Variants in MYO16 observed in about 807,000 individuals in gnomAD.
The protein encoded by MYO16 is unconventional myosin-XVI.
MYO16 carries 94 observed loss-of-function variants against 205.3 expected under a neutral mutation model. The ratio of observed to expected loss-of-function variants is 0.46; its 90% CI spans 0.39 to 0.54. The LOEUF (loss-of-function observed/expected upper bound fraction) is 0.54. MYO16 is among the 20% of genes least tolerant of loss of function. The pLI is 0.00. For missense variants in MYO16, 2,315 were observed against 2,387.5 expected, an observed-to-expected ratio of 0.97 and a Z score of 0.63; for synonymous variants, 988 against 954.0, an observed-to-expected ratio of 1.04 and a Z score of -0.66.
the MYO16 span, among the ~76,000 whole-genome samples, chr13:108,502,670 T>C: frequency 6.6e-6 from 1 of 152,202 alleles, no homozygotes. Context: ...ATTTGAAATA[T>C]TAAATAATTT....
intron 17 of MYO16, among the ~76,000 whole-genome samples, chr13:108,958,243 T>G (rs1883457302): frequency 6.8e-6 from 1 of 147,808 alleles, no homozygotes; most frequent in South Asian, 2.1e-4. Context: ...TTTAAATATA[T>G]ATAATATTCA....
At chr13:109,048,982 A>AAAAAG (rs1887146443) in intron 24 of MYO16, 1 of 149,958 alleles carries the variant, frequency 6.7e-6, no homozygotes, top group Non-Finnish European at 1.5e-5. Flanking sequence ...AAAAAAAAAA[A>AAAAAG]GCCGAACTCC....
At chr13:108,905,670 G>A (rs895230308) in intron 15 of MYO16, among the ~76,000 whole-genome samples, 1 of 152,182 alleles carries the variant, frequency 6.6e-6, no homozygotes, top group African/African-American at 2.4e-5. Flanking sequence ...AGGTCACCAG[G>A]AAATACAGTA....
intron 1 of MYO16, among the ~76,000 whole-genome samples, chr13:108,602,683 G>A (rs531193743): frequency 6.6e-5 from 10 of 152,190 alleles, no homozygotes; most frequent in African/African-American, 2.4e-4. Flanking sequence ...GGAAGTGGGT[G>A]GTTTGGTCCT....
chr13:108,929,796 T>TA lies in MYO16; in HGVS notation c.1925+19655dup, dbSNP rs573718136. 4.0e-4 allele frequency among the ~76,000 whole-genome samples: 60 copies of TA among 150,418 alleles called. No individual in the cohort carries two copies. The South Asian group carries it at 0.01, about 25-fold the overall frequency. ...GGCACAGAGAAACCCACACATGCAT[T>TA]AAAAAAAAATGTACTTAGCTATTCA... is the stretch of plus-strand genomic sequence containing the variant. On this transcript the variant is annotated intron_variant, in intron 16 of 34. Coordinates refer to ENST00000457511, the MANE Select transcript of MYO16 (RefSeq NM_001198950.3).
intron 4 of MYO16, among the ~76,000 whole-genome samples, chr13:108,778,550 C>T (rs1024936744): frequency 1.3e-5 from 2 of 152,112 alleles, no homozygotes; most frequent in African/African-American, 2.4e-5. Flanking sequence ...ACCCGGGAGG[C>T]GAAGGTTGCA....
In MYO16 at chr13:109,112,174, T is replaced by G. The variant is rs544754186; in HGVS notation, c.3439-8196T>G. ...AAATAATAGTAAATAGCATCTCTTTTAGAGAAATAAAAAAGGGTTAGCTCA... is the reference window on the plus strand; with the variant it reads ...AAATAATAGTAAATAGCATCTCTTTGAGAGAAATAAAAAAGGGTTAGCTCA... On this transcript the variant is annotated intron_variant, in intron 28 of 34. Coordinates refer to ENST00000457511, the MANE Select transcript of MYO16 (RefSeq NM_001198950.3). 4.1e-3 allele frequency among the ~76,000 whole-genome samples: 627 copies of G among 152,254 alleles called. 3 individuals are homozygous for G. The highest frequency in any genetic ancestry group is 0.014 in the African/African-American group (584 of 41,540).
chr13:108,733,386 G>T (rs1018211754), intron 4 of MYO16, among the ~76,000 whole-genome samples: 1 of 152,178 alleles, frequency 6.6e-6, no homozygotes, highest in Non-Finnish European at 1.5e-5. Flanking sequence ...TCTGCTTTAT[G>T]TAGCTGAGGC....
At chr13:108,669,755 G>T (rs1015803094) in intron 2 of MYO16, among the ~76,000 whole-genome samples, 2 of 152,098 alleles carry the variant, frequency 1.3e-5, no homozygotes, top group Admixed American at 6.6e-5. Context: ...AAAATAGAAT[G>T]AGTTCATGTC....
intron 16 of MYO16, among the ~76,000 whole-genome samples, chr13:108,946,365 A>G (rs1882941310): frequency 6.6e-6 from 1 of 152,228 alleles, no homozygotes; most frequent in Non-Finnish European, 1.5e-5. Context: ...GGAAACGAGT[A>G]GAGCTGGTGT....
Position 108,823,261 on chromosome 13 carries a change from C to A in MYO16, c.1080C>A (p.Pro360=), listed in dbSNP as rs141132835. 1 of 1,610,522 alleles carries A rather than the reference C, an allele frequency of 6.2e-7. No individual in the cohort carries two copies. Among genetic ancestry groups the A allele is most frequent in the South Asian group, 1.1e-5 (1 of 90,520 alleles). Residue 360 remains proline (P), a synonymous_variant, in exon 9 of 35, where the codon CCC becomes CCA. Coordinates refer to ENST00000457511, the MANE Select transcript of MYO16 (RefSeq NM_001198950.3). ...EPYEEIIHDL[P]VLSSKLSPLV... ...ATGAAGAGATCATTCACGATCTTCCCGTACTGTCGAGTAAGCTGTAAGTGT... is the reference window on the plus strand; with the variant it reads ...ATGAAGAGATCATTCACGATCTTCCAGTACTGTCGAGTAAGCTGTAAGTGT...
intron 14 of MYO16, among the ~76,000 whole-genome samples, chr13:108,895,638 A>G (rs568773277): frequency 2.6e-5 from 4 of 151,954 alleles, no homozygotes; most frequent in South Asian, 2.1e-4. Flanking sequence ...CTGAAAGCCA[A>G]CTCACCTGGG....
At chr13:108,504,108 TTTTTG>T in the MYO16 span, among the ~76,000 whole-genome samples, 15 of 151,984 alleles carry the variant, frequency 9.9e-5, no homozygotes, top group African/African-American at 3.1e-4. Context: ...GATCTCTAGA[TTTTTG>T]TTTTGTTTTG....
chr13:108,657,952 C>G (rs747975375), intron 1 of MYO16, among the ~76,000 whole-genome samples: 1 of 152,278 alleles, frequency 6.6e-6, no homozygotes, highest in African/African-American at 2.4e-5. Flanking sequence ...ATTCTGCTGA[C>G]AAACTATACA....
At chr13:108,982,462 G>C (rs3842945) in intron 20 of MYO16, among the ~76,000 whole-genome samples, 93,229 of 152,028 alleles carry the variant, frequency 0.61, 30,416 homozygotes, top group South Asian at 0.82. Flanking sequence ...AAAAGGAACT[G>C]TACTAATAAA....
At chr13:108,647,565 CT>C (rs1332150404) in intron 1 of MYO16, among the ~76,000 whole-genome samples, 1 of 152,036 alleles carries the variant, frequency 6.6e-6, no homozygotes, top group Non-Finnish European at 1.5e-5. Context: ...TAACTTCTGC[CT>C]TTTTTCCATT....
chr13:109,140,970 C>A lies in MYO16; in HGVS notation c.4758C>A (p.Ser1586=), dbSNP rs753875324. The stretch of plus-strand genomic sequence containing the variant: ...CCGGCCTGGCGCTGTTCAACGGGTC[C>A]GGCCGAGCCTCCCCGCCGTCCACGC... ...ASPGLALFNG[S]GRASPPSTPP... is the part of the protein sequence containing the mutation. The change falls in exon 32 of 35, where the codon TCC becomes TCA. Residue 1586 remains serine (S), a synonymous_variant. Transcript: ENST00000457511. The surrounding 1 kb of genome is among the most constrained non-coding windows in gnomAD (Gnocchi z 8.0). 9.7e-6 allele frequency: 14 copies of A among 1,442,034 alleles called. No individual in the cohort carries two copies. The East Asian group carries it at 1.5e-4, about 16-fold the overall frequency. The allele number at this position is 1,442,034 out of a possible 1,614,324, so 89.3% of individuals were successfully genotyped here.
In MYO16 at chr13:109,035,541, G is replaced by A. The variant is rs181697934; in HGVS notation, c.2797-11375G>A. ...TCTACTAAAAATACAAAAATTAGCC[G>A]GGCGTGGTGGTGTATGCCTGCAATC... On this transcript the variant is annotated intron_variant, in intron 23 of 34. Coordinates refer to ENST00000457511, the MANE Select transcript of MYO16 (RefSeq NM_001198950.3). Among the ~76,000 whole-genome samples the A allele has an allele frequency of 3.9e-4, 59 of 152,206 alleles. 2 individuals are homozygous for A. In the East Asian group the frequency reaches 7.9e-3, roughly 20 times the overall value.
chr13:108,503,327 G>T, the MYO16 span, among the ~76,000 whole-genome samples: 1 of 152,196 alleles, frequency 6.6e-6, no homozygotes, highest in Admixed American at 6.5e-5. Flanking sequence ...CTGCAAGGCA[G>T]GGGCCAGCCT....
Sources: allele counts gnomAD v4.1 joint callset (sites outside exome capture counted in the v4.1 genomes callset), GRCh38; gene constraint gnomAD v4.1.1; non-coding constraint Gnocchi (gnomAD v3.1); transcripts MANE v1.5; gene names NCBI Gene and HGNC (gene_info 2026-07-23, HGNC 2026-07-21).